NLRP1: variants seen among roughly 807,000 people sequenced by gnomAD.
The protein encoded by NLRP1 is NLR family pyrin domain containing 1.
Under a neutral mutation model 136.7 loss-of-function variants are expected in NLRP1, and 94 were observed. The observed-to-expected ratio is 0.69, with a 90% CI of 0.58 to 0.82. NLRP1 has a LOEUF of 0.82. NLRP1 is among the 40% of genes least tolerant of loss of function. The pLI is 0.00. For missense variants in NLRP1, 1,575 were observed against 1,802.7 expected, an observed-to-expected ratio of 0.87 and a Z score of 2.29; for synonymous variants, 690 against 725.1, an observed-to-expected ratio of 0.95 and a Z score of 0.78.
intron 12 of NLRP1, among the ~76,000 whole-genome samples, chr17:5,524,177 C>T (rs888252656): frequency 2.0e-5 from 3 of 152,142 alleles, no homozygotes; most frequent in Admixed American, 2.0e-4. Context: ...CCTCCCAGAC[C>T]GCGCCTGGCC....
At chr17:5,515,759 C>T (rs1908021379) in intron 15 of NLRP1, among the ~76,000 whole-genome samples, 1 of 152,204 alleles carries the variant, frequency 6.6e-6, no homozygotes, top group Admixed American at 6.5e-5. Flanking sequence ...TAATAGAAGA[C>T]ATCCAAATGA....
intron 8 of NLRP1, 60 bp from the exon 9 acceptor site, chr17:5,534,048 G>A (rs1459157404): frequency 6.0e-6 from 7 of 1,172,490 alleles, no homozygotes; most frequent in Admixed American, 3.4e-5. Context: ...CTGTCCACAT[G>A]ACATTCCCAC....
rs146739526 is a variant in NLRP1, at chr17:5,560,654, A to C, written c.653-611T>G. ...ATGACAGGTGGGGTCCCTTGCCCCC[A>C]GGACAGATAACACTCAGGCATGTTC... On this transcript the variant is annotated intron_variant, in intron 3 of 16. Coordinates refer to ENST00000572272, the MANE Select transcript of NLRP1 (RefSeq NM_033004.4). 9.3e-3 allele frequency among the ~76,000 whole-genome samples: 1,414 copies of C among 152,302 alleles called. 9 individuals carry two copies. Among genetic ancestry groups the C allele is most frequent in the Middle Eastern group, 0.041 (12 of 294 alleles).
intron 4 of NLRP1, among the ~76,000 whole-genome samples, chr17:5,557,840 A>T (rs1231174927): frequency 6.6e-6 from 1 of 152,218 alleles, no homozygotes; most frequent in African/African-American, 2.4e-5. Context: ...TCAGTTTTGC[A>T]GGGAAAAATA....
intron 12 of NLRP1, among the ~76,000 whole-genome samples, chr17:5,527,260 A>G (rs532930075): frequency 6.6e-6 from 1 of 152,380 alleles, no homozygotes; most frequent in South Asian, 2.1e-4. Flanking sequence ...AGCTTTAAAA[A>G]ATTCGCAAGA....
chr17:5,514,539 C>T lies in NLRP1; in HGVS notation c.*215G>A, dbSNP rs199947649. The T allele has an allele frequency of 9.9e-6, 14 of 1,417,228 alleles. No individual in the cohort carries two copies. The highest frequency in any genetic ancestry group is 1.3e-5 in the Non-Finnish European group (14 of 1,089,048). The allele number at this position is 1,417,228 out of a possible 1,614,324, so 87.8% of individuals were successfully genotyped here. A position where few individuals can be genotyped will look rare whatever the true frequency, so the allele number is the denominator to read the frequency against. On this transcript the variant is annotated 3_prime_UTR_variant, in exon 17 of 17. Coordinates refer to ENST00000572272, the MANE Select transcript of NLRP1 (RefSeq NM_033004.4). The stretch of plus-strand genomic sequence containing the variant: ...AGGGGTCTTGCCAGCTCCAGATGGA[C>T]ATTCCCTGAGATGCTGTTAGGCCAC...
chr17:5,515,430 G>A (rs776808195), intron 16 of NLRP1, 43 bp downstream of exon 16: 2 of 1,535,854 alleles, frequency 1.3e-6, no homozygotes, highest in South Asian at 2.2e-5. Context: ...CAGTACCCCA[G>A]AACTGCCACC....
At chr17:5,515,174 C>T in intron 16 of NLRP1, 101 bp from the exon 17 acceptor site, 2 of 1,133,560 alleles carry the variant, frequency 1.8e-6, no homozygotes, top group Non-Finnish European at 2.5e-6. Flanking sequence ...TTCCTTCTGC[C>T]TCCAGAAATG....
rs1218190382 is a variant in NLRP1 at position 5,537,165 on chromosome 17, T to C, written c.2871-225A>G. Among the ~76,000 whole-genome samples the C allele has an allele frequency of 6.6e-6, 1 of 152,220 alleles. No homozygotes were observed. The highest frequency in any genetic ancestry group is 1.5e-5 in the Non-Finnish European group (1 of 68,032). On this transcript the variant is annotated intron_variant, in intron 7 of 16. Transcript: ENST00000572272. The surrounding 1 kb of genome is among the most constrained non-coding windows in gnomAD (Gnocchi z 4.5). The stretch of plus-strand genomic sequence containing the variant: ...GGGAGGGAATCGGGGAGACGTGGGC[T>C]GTGAGGCAGTCTCCAATGGAGGCCT...
downstream of NLRP1, chr17:5,512,493 T>C (rs1386716554): frequency 3.0e-6 from 2 of 675,486 alleles, no homozygotes; most frequent in Non-Finnish European, 5.4e-6. Context: ...TCTTTGCCCC[T>C]TGTCTTTTAA....
chr17:5,517,038 G>GA (rs1188681515), intron 15 of NLRP1, among the ~76,000 whole-genome samples: 1 of 152,180 alleles, frequency 6.6e-6, no homozygotes, highest in Non-Finnish European at 1.5e-5. Flanking sequence ...CGATACAGGG[G>GA]AGAGTATCTG....
Position 5,537,038 on chromosome 17 carries a change from G to A in NLRP1, c.2871-98C>T. ...CTGGGACCTGTCACCTTCTGAGGCA[G>A]CGGCCGCAGGGTGGGTTCCCTGGAA... On this transcript the variant is annotated intron_variant, in intron 7 of 16. Coordinates refer to ENST00000572272, the MANE Select transcript of NLRP1 (RefSeq NM_033004.4). The surrounding 1 kb of genome is among the most constrained non-coding windows in gnomAD (Gnocchi z 4.5). 4.9e-6 allele frequency: 4 copies of A among 812,942 alleles called. No individual in the cohort carries two copies. The South Asian group carries it at 5.6e-5, about 11-fold the overall frequency. The allele number at this position is 812,942 out of a possible 1,614,324, so 50.4% of individuals were successfully genotyped here. A position where few individuals can be genotyped will look rare whatever the true frequency, so the allele number is the denominator to read the frequency against.
chr17:5,582,525 T>C (rs1905788455), intron 2 of NLRP1, 145 bp downstream of exon 2: 2 of 742,258 alleles, frequency 2.7e-6, no homozygotes, highest in Admixed American at 2.7e-5. Flanking sequence ...CAGGCCTACC[T>C]CTCACAGCCC....
chr17:5,565,677 G>A (rs987127385), intron 3 of NLRP1, among the ~76,000 whole-genome samples: 2 of 152,148 alleles, frequency 1.3e-5, no homozygotes, highest in African/African-American at 2.4e-5. Flanking sequence ...TGGTATTAAG[G>A]TAATACTGGC....
Position 5,560,037 on chromosome 17 carries a change from C to A in NLRP1, c.659G>T (p.Arg220Ile). Residue 220 changes from arginine (R) to isoleucine (I), a missense_variant, in exon 4 of 17, where the codon AGA (arginine) becomes ATA (isoleucine). Coordinates refer to ENST00000572272, the MANE Select transcript of NLRP1 (RefSeq NM_033004.4). ...ETSGIYYTEI[R>I]EREREKSEKG... ...CTCTGATTTCTCTCTCTCTCTTTCT[C>A]TGATTTCTAAGTAAGGGAGGGAAAG... 5 of 1,555,990 alleles carry A rather than the reference C, an allele frequency of 3.2e-6. No homozygotes were observed. The highest frequency in any genetic ancestry group is 4.3e-6 in the Non-Finnish European group (5 of 1,155,616).
Position 5,539,428 on chromosome 17 carries a change from G to A in NLRP1, c.2857C>T (p.Leu953Phe). 6.2e-7 allele frequency: 1 copy of A among 1,613,262 alleles called. No homozygotes were observed. The highest frequency in any genetic ancestry group is 8.5e-7 in the Non-Finnish European group (1 of 1,179,548). ...ACAGGGCCTTACCCCAGGCGTATGA[G>A]TTTGCAGGCAGGATGCCTGAGCCCC... is the stretch of plus-strand genomic sequence containing the variant. ...CEGLRHPACK[L>F]IRLGLDQTTL... The change falls in exon 7 of 17, where the codon CTC (leucine) becomes TTC (phenylalanine). Residue 953 changes from leucine (L) to phenylalanine (F), a missense_variant. Coordinates refer to ENST00000572272, the MANE Select transcript of NLRP1 (RefSeq NM_033004.4).
chr17:5,501,772 G>A (rs1907097640), exon 16 of NLRP1: 1 of 1,560,922 alleles, frequency 6.4e-7, no homozygotes, highest in Non-Finnish European at 8.8e-7. Context: ...CATCCACCAA[G>A]CCCTCTCTGG....
chr17:5,582,001 G>A lies in NLRP1; in HGVS notation c.510C>T (p.Ser170=), dbSNP rs1278091061. Residue 170 remains serine (S), a synonymous_variant, in exon 3 of 17, where the codon AGC becomes AGT. Transcript: ENST00000572272. ...LPSSPDHESP[S]QESPNAPTST... is the part of the protein sequence containing the mutation. ...ATGTGGGGGCGTTGGGTGACTCCTG[G>A]CTTGGAGACTCATGGTCTGGGGAGC... is the stretch of plus-strand genomic sequence containing the variant. 8 of 1,613,878 alleles carry A rather than the reference G, an allele frequency of 5.0e-6. No homozygotes were observed. Among genetic ancestry groups the A allele is most frequent in the Non-Finnish European group, 6.8e-6 (8 of 1,179,884 alleles).
At chr17:5,548,827 T>G (rs997398851) in intron 5 of NLRP1, among the ~76,000 whole-genome samples, 1 of 152,222 alleles carries the variant, frequency 6.6e-6, no homozygotes, top group Non-Finnish European at 1.5e-5. Context: ...CTCTCTCTCC[T>G]GGTGTCCCTT....
Sources: gnomAD v4.1 joint callset for allele counts (sites outside exome capture counted in the v4.1 genomes callset) on GRCh38, gnomAD v4.1.1 for gene constraint, Gnocchi (gnomAD v3.1) non-coding constraint, MANE v1.5 for transcripts, NCBI Gene and HGNC (gene_info 2026-07-23, HGNC 2026-07-21) for gene names.